The following KDM4C variants were observed in gnomAD, a reference collection of about 807,000 sequenced individuals.
KDM4C encodes lysine-specific demethylase 4C.
Under a neutral mutation model 129.3 loss-of-function variants are expected in KDM4C, and 81 were observed. The ratio of observed to expected loss-of-function variants is 0.63; its 90% CI spans 0.52 to 0.75. The LOEUF is 0.75. Among genes scored for constraint, KDM4C ranks in the 30% least tolerant of loss-of-function variants. The pLI, the probability that KDM4C is intolerant of heterozygous loss-of-function variation, is 0.00. For missense variants in KDM4C, 1,457 were observed against 1,304.0 expected, an observed-to-expected ratio of 1.12 and a Z score of -1.81; for synonymous variants, 573 against 456.1, an observed-to-expected ratio of 1.26 and a Z score of -3.26.
chr9:6,845,953 A>C (rs1837783868), intron 4 of KDM4C, among the ~76,000 whole-genome samples: 1 of 152,194 alleles, frequency 6.6e-6, no homozygotes, highest in Non-Finnish European at 1.5e-5. Flanking sequence ...CTAACTTGTC[A>C]TTGTGGGGCT....
At chr9:6,756,018 A>T (rs1818249028), upstream of KDM4C, among the ~76,000 whole-genome samples, 1 of 152,214 alleles carries the variant, frequency 6.6e-6, no homozygotes, top group Non-Finnish European at 1.5e-5. Context: ...ACTCTAATTC[A>T]CAATGGTAAA....
At chr9:6,769,692 A>G (rs7861972) in intron 1 of KDM4C, among the ~76,000 whole-genome samples, 17,271 of 152,198 alleles carry the variant, frequency 0.11, 1,222 homozygotes, top group African/African-American at 0.19. Flanking sequence ...ATAGATCTCA[A>G]TATCATGCTA....
At chr9:7,102,583 A>G (rs1331206591) in intron 17 of KDM4C, among the ~76,000 whole-genome samples, 1 of 152,150 alleles carries the variant, frequency 6.6e-6, no homozygotes, top group African/African-American at 2.4e-5. Flanking sequence ...TGAGGGACAG[A>G]ATCTAAAAGA....
At chr9:6,958,752 A>G (rs1366697420) in intron 8 of KDM4C, among the ~76,000 whole-genome samples, 1 of 140,706 alleles carries the variant, frequency 7.1e-6, no homozygotes, top group Non-Finnish European at 1.5e-5. Flanking sequence ...TGGCATGTTC[A>G]TGGCTCACTG....
chr9:6,827,021 G>A (rs1833998861), intron 4 of KDM4C, among the ~76,000 whole-genome samples: 2 of 152,176 alleles, frequency 1.3e-5, no homozygotes, highest in African/African-American at 4.8e-5. Context: ...TGGTCAGTGT[G>A]GGGCAGGGCA....
intron 8 of KDM4C, among the ~76,000 whole-genome samples, chr9:6,927,863 GC>G (rs1822923333): frequency 6.6e-6 from 1 of 152,044 alleles, no homozygotes; most frequent in South Asian, 2.1e-4. Flanking sequence ...TTTTGATCTG[GC>G]TGTTCCACTG....
intron 8 of KDM4C, among the ~76,000 whole-genome samples, chr9:6,914,338 C>T (rs565141502): frequency 1.3e-5 from 2 of 152,274 alleles, no homozygotes; most frequent in African/African-American, 2.4e-5. Context: ...GGATTACAGG[C>T]TGGGCTTACA....
chr9:7,088,467 T>C (rs1164497354), intron 17 of KDM4C, among the ~76,000 whole-genome samples: 1 of 152,238 alleles, frequency 6.6e-6, no homozygotes, highest in East Asian at 1.9e-4. Context: ...AACATTGATT[T>C]CAAAACTATT....
chr9:6,844,169 T>C (rs1312448802), intron 4 of KDM4C, among the ~76,000 whole-genome samples: 1 of 152,194 alleles, frequency 6.6e-6, no homozygotes, highest in Non-Finnish European at 1.5e-5. Context: ...TGTTTTTCAG[T>C]ACATTTTATA....
At chr9:6,785,910 C>G (rs1206054808) in intron 1 of KDM4C, among the ~76,000 whole-genome samples, 2 of 151,140 alleles carry the variant, frequency 1.3e-5, no homozygotes, top group Non-Finnish European at 2.9e-5. Flanking sequence ...AGGCCAGACT[C>G]CATCACCTCA....
intron 18 of KDM4C, among the ~76,000 whole-genome samples, chr9:7,105,761 C>T (rs919742588): frequency 6.6e-6 from 1 of 152,108 alleles, no homozygotes. Context: ...ATTGAAGTTG[C>T]TATTAAAGAG....
In KDM4C at chr9:7,103,580, G is replaced by T. The variant is rs111849999; in HGVS notation, c.2425-105G>T. ...TCAGGACTTGTTGATGTAATCAGTT[G>T]TTTTTTTTTTTTTTTCTTCTCTAGT... On this transcript the variant is annotated intron_variant, in intron 17 of 21. Transcript: ENST00000381309. 3,995 of 625,274 alleles carry T rather than the reference G, an allele frequency of 6.4e-3. 79 individuals are homozygous for T. Among genetic ancestry groups the T allele is most frequent in the African/African-American group, 0.062 (3,096 of 49,752 alleles). 38.7% of individuals were successfully genotyped at this position (625,274 alleles called of 1,614,324 possible).
chr9:6,849,405 A>G (rs10975854), intron 4 of KDM4C, 102 bp from the exon 5 acceptor site: 80,153 of 921,470 alleles, frequency 0.087, 4,686 homozygotes, highest in East Asian at 0.24. Flanking sequence ...GTTAGAATAT[A>G]CAATGTAATA....
intron 4 of KDM4C, among the ~76,000 whole-genome samples, chr9:6,826,858 C>T (rs952909472): frequency 2.0e-5 from 3 of 148,522 alleles, no homozygotes; most frequent in Non-Finnish European, 3.0e-5. Context: ...CAGAGTGAAA[C>T]TCCATCTCAA....
intron 7 of KDM4C, among the ~76,000 whole-genome samples, chr9:6,890,238 C>T (rs769196596): frequency 3.3e-5 from 5 of 152,142 alleles, no homozygotes; most frequent in Non-Finnish European, 5.9e-5. Flanking sequence ...CTGATTCAGT[C>T]GCATAATCTT....
At chr9:6,822,895 T>C (rs774680456) in intron 4 of KDM4C, among the ~76,000 whole-genome samples, 2 of 152,228 alleles carry the variant, frequency 1.3e-5, no homozygotes, top group Non-Finnish European at 2.9e-5. Context: ...CATCTCTTTT[T>C]TTCTGTGTGT....
At chr9:6,874,931 TAAA>T (rs34854547) in intron 5 of KDM4C, among the ~76,000 whole-genome samples, 14 of 132,974 alleles carry the variant, frequency 1.1e-4, no homozygotes, top group Middle Eastern at 3.5e-3. Flanking sequence ...TCTCTACAGT[TAAA>T]AAAAAAAAAA....
intron 21 of KDM4C, among the ~76,000 whole-genome samples, chr9:7,174,124 G>A (rs566921193): frequency 7.9e-5 from 12 of 152,326 alleles, no homozygotes; most frequent in East Asian, 1.9e-4. Context: ...GGATAGGAAG[G>A]TGTCACAGGA....
chr9:6,984,896 G>GA lies in KDM4C; in HGVS notation c.1354+496dup, dbSNP rs1817422411. Among the ~76,000 whole-genome samples, 3 of 152,200 alleles carry GA rather than the reference G, an allele frequency of 2.0e-5. No homozygotes were observed. In the South Asian group the frequency reaches 6.2e-4, roughly 31 times the overall value. On this transcript the variant is annotated intron_variant, in intron 10 of 21. Coordinates refer to ENST00000381309, the MANE Select transcript of KDM4C (RefSeq NM_015061.6). Reference sequence around the variant, plus strand: ...CTCTTTTGTACTAAAGCCATTGTCTGAAAATCTCAGCTACTTTGCCTTTTC... The same window carrying GA: ...CTCTTTTGTACTAAAGCCATTGTCTGAAAAATCTCAGCTACTTTGCCTTTTC...
Sources: allele counts gnomAD v4.1 joint callset (sites outside exome capture counted in the v4.1 genomes callset), GRCh38; gene constraint gnomAD v4.1.1; transcripts MANE v1.5; gene names NCBI Gene and HGNC (gene_info 2026-07-23, HGNC 2026-07-21).